Variants in DLG2 observed in about 807,000 individuals in gnomAD.
DLG2 encodes disks large homolog 2.
DLG2 carries 45 observed loss-of-function variants against 132.5 expected under a neutral mutation model. The ratio of observed to expected loss-of-function variants is 0.34; its 90% CI spans 0.27 to 0.44. The LOEUF is 0.44. Among genes scored for constraint, DLG2 ranks in the 20% least tolerant of loss-of-function variants. The probability of loss-of-function intolerance (pLI) is 1.00; values close to 1 mark genes in which losing one functional copy is unlikely to be tolerated. For missense variants in DLG2, 1,045 were observed against 1,196.9 expected, an observed-to-expected ratio of 0.87 and a Z score of 1.87; for synonymous variants, 424 against 419.6, an observed-to-expected ratio of 1.01 and a Z score of -0.13.
chr11:84,754,901 C>T (rs546632189), intron 6 of DLG2, among the ~76,000 whole-genome samples: 1 of 152,184 alleles, frequency 6.6e-6, no homozygotes, highest in African/African-American at 2.4e-5. Context: ...GAGTATATGG[C>T]AAAGTTTCTG....
At chr11:85,448,095 G>C (rs2092087885) in intron 3 of DLG2, among the ~76,000 whole-genome samples, 1 of 152,102 alleles carries the variant, frequency 6.6e-6, no homozygotes, top group African/African-American at 2.4e-5. Context: ...GAAACTCATA[G>C]TTTGACTCAA....
intron 7 of DLG2, among the ~76,000 whole-genome samples, chr11:84,327,635 G>A (rs1372264473): frequency 6.6e-6 from 1 of 151,902 alleles, no homozygotes; most frequent in Non-Finnish European, 1.5e-5. Flanking sequence ...AAGACATCTT[G>A]CAGTTATAAT....
chr11:84,849,635 A>G (rs542677164), intron 6 of DLG2, among the ~76,000 whole-genome samples: 5 of 152,160 alleles, frequency 3.3e-5, no homozygotes, highest in South Asian at 4.1e-4. Flanking sequence ...CTTACCCTCT[A>G]GATGTTAGTT....
At chr11:84,611,758 C>T (rs1475093440) in intron 6 of DLG2, among the ~76,000 whole-genome samples, 2 of 152,132 alleles carry the variant, frequency 1.3e-5, no homozygotes, top group African/African-American at 2.4e-5. Flanking sequence ...CATTAGTAGA[C>T]TCCAAAGAGA....
At chr11:84,549,082 T>C (rs1042075271) in intron 6 of DLG2, among the ~76,000 whole-genome samples, 5 of 152,204 alleles carry the variant, frequency 3.3e-5, no homozygotes, top group African/African-American at 1.2e-4. Flanking sequence ...AAAGGGTTTA[T>C]CCATGTTCAG....
At chr11:84,095,579 A>T (rs977626421) in intron 10 of DLG2, among the ~76,000 whole-genome samples, 3 of 152,156 alleles carry the variant, frequency 2.0e-5, no homozygotes, top group Non-Finnish European at 2.9e-5. Flanking sequence ...AGTTGAGGCG[A>T]TGGTGTTACT....
intron 3 of DLG2, among the ~76,000 whole-genome samples, chr11:85,545,114 T>C (rs188223152): frequency 4.3e-4 from 66 of 152,334 alleles, no homozygotes; most frequent in African/African-American, 1.5e-3. Context: ...CAGTATGATA[T>C]TGGCTGTGGG....
chr11:85,345,990 A>G (rs2082811191), intron 3 of DLG2, among the ~76,000 whole-genome samples: 1 of 152,048 alleles, frequency 6.6e-6, no homozygotes, highest in Non-Finnish European at 1.5e-5. Context: ...CGTACAAGAA[A>G]GAATTCAGGG....
intron 4 of DLG2, among the ~76,000 whole-genome samples, chr11:85,239,999 A>G: frequency 6.6e-6 from 1 of 151,916 alleles, no homozygotes; most frequent in South Asian, 2.1e-4. Context: ...AACTTGTTAA[A>G]CTCATAGTTC....
At chr11:84,826,910 G>A (rs935872934) in intron 6 of DLG2, among the ~76,000 whole-genome samples, 6 of 151,768 alleles carry the variant, frequency 4.0e-5, no homozygotes, top group Non-Finnish European at 7.4e-5. Flanking sequence ...ATATGGTAAA[G>A]TCTAAGCCTG....
intron 6 of DLG2, among the ~76,000 whole-genome samples, chr11:84,850,457 T>A (rs996013862): frequency 6.6e-6 from 1 of 152,136 alleles, no homozygotes; most frequent in African/African-American, 2.4e-5. Context: ...CACCTAATGC[T>A]GAAAGAATGG....
At chr11:85,210,481 C>G (rs1044972953) in intron 4 of DLG2, among the ~76,000 whole-genome samples, 3 of 152,134 alleles carry the variant, frequency 2.0e-5, no homozygotes, top group African/African-American at 4.8e-5. Flanking sequence ...GTCCAAGAAG[C>G]CTTCTCAGGT....
intron 9 of DLG2, among the ~76,000 whole-genome samples, chr11:84,114,208 TAC>T (rs1203626504): frequency 6.6e-6 from 1 of 152,132 alleles, no homozygotes; most frequent in Non-Finnish European, 1.5e-5. Context: ...GTAGACAGAA[TAC>T]ACATAAACTA....
At chr11:84,222,542 T>C (rs1050837931) in intron 8 of DLG2, among the ~76,000 whole-genome samples, 2 of 152,244 alleles carry the variant, frequency 1.3e-5, no homozygotes, top group Admixed American at 6.5e-5. Flanking sequence ...TATAGTACTA[T>C]CTAAAATCTT....
At chr11:84,277,937 T>G (rs1443076499) in intron 7 of DLG2, among the ~76,000 whole-genome samples, 1 of 152,082 alleles carries the variant, frequency 6.6e-6, no homozygotes. Flanking sequence ...TATTTATTCT[T>G]ATAGACAGTC....
chr11:83,742,797 G>T (rs1275874655), intron 18 of DLG2, among the ~76,000 whole-genome samples: 1 of 152,112 alleles, frequency 6.6e-6, no homozygotes, highest in East Asian at 1.9e-4. Context: ...TCTGTCTTGA[G>T]ATTAAAGTTT....
chr11:84,625,725 G>T (rs1411083827), intron 6 of DLG2, among the ~76,000 whole-genome samples: 6 of 152,138 alleles, frequency 3.9e-5, no homozygotes, highest in Non-Finnish European at 7.3e-5. Flanking sequence ...GAAGTCTGAG[G>T]TTATCTGAAA....
chr11:83,995,135 C>G (rs1196607658), intron 11 of DLG2, among the ~76,000 whole-genome samples: 1 of 152,000 alleles, frequency 6.6e-6, no homozygotes. Flanking sequence ...TTCAGGGACG[C>G]AATTCAACTC....
chr11:84,962,057 C>A lies in DLG2; in HGVS notation c.357+149604G>T, dbSNP rs577183773. Among the ~76,000 whole-genome samples, 3 of 152,234 alleles carry A rather than the reference C, an allele frequency of 2.0e-5. No individual in the cohort carries two copies. In the East Asian group the frequency reaches 5.8e-4, roughly 29 times the overall value. ...TTGAGAACAACAAGAATTTACATTT[C>A]CCACTTAGATTATTAACCCTCACAA... On this transcript the variant is annotated intron_variant, in intron 6 of 27. Transcript: ENST00000376104.
Sources: gnomAD v4.1 joint callset for allele counts (sites outside exome capture counted in the v4.1 genomes callset) on GRCh38, gnomAD v4.1.1 for gene constraint, MANE v1.5 for transcripts, NCBI Gene and HGNC (gene_info 2026-07-23, HGNC 2026-07-21) for gene names.